Variants in KIAA1217 observed in about 807,000 individuals in gnomAD.
The protein encoded by KIAA1217 is KIAA1217.
Under a neutral mutation model 163.9 loss-of-function variants are expected in KIAA1217, and 88 were observed. The observed-to-expected ratio is 0.54, with a 90% CI of 0.45 to 0.64. The LOEUF (loss-of-function observed/expected upper bound fraction) is 0.64, where lower values mean the gene tolerates loss of function less well. Among genes scored for constraint, KIAA1217 ranks in the 30% least tolerant of loss-of-function variants. The pLI is 0.00. For synonymous variants in KIAA1217, 903 were observed against 923.1 expected (o/e 0.98, Z 0.39); for missense variants, 2,372 against 2,475.0 (o/e 0.96, Z 0.88).
chr10:24,109,410 A>G (rs745652041), intron 2 of KIAA1217, among the ~76,000 whole-genome samples: 2 of 151,702 alleles, frequency 1.3e-5, no homozygotes, highest in Non-Finnish European at 2.9e-5. Flanking sequence ...ACATGTTTGC[A>G]AGATAGATTA....
intron 1 of KIAA1217, among the ~76,000 whole-genome samples, chr10:23,827,767 T>C (rs1837969753): frequency 6.6e-6 from 1 of 152,212 alleles, no homozygotes; most frequent in Non-Finnish European, 1.5e-5. Context: ...ATGATTCCTG[T>C]GTGCACGACA....
At chr10:24,429,248 G>C (rs114301495) in intron 3 of KIAA1217, among the ~76,000 whole-genome samples, 2 of 152,086 alleles carry the variant, frequency 1.3e-5, no homozygotes, top group Non-Finnish European at 2.9e-5. Flanking sequence ...CTGTTCTGGG[G>C]GCTTTTAGGA....
chr10:24,246,979 C>G (rs2073875445), intron 2 of KIAA1217, among the ~76,000 whole-genome samples: 1 of 151,582 alleles, frequency 6.6e-6, no homozygotes, highest in African/African-American at 2.4e-5. Context: ...CACCACTGCA[C>G]TCCAGCCTAG....
intron 2 of KIAA1217, among the ~76,000 whole-genome samples, chr10:24,009,457 A>T (rs1326210375): frequency 6.6e-6 from 1 of 152,204 alleles, no homozygotes; most frequent in East Asian, 1.9e-4. Flanking sequence ...AATATAAAGA[A>T]TAAATGTGTT....
intron 2 of KIAA1217, among the ~76,000 whole-genome samples, chr10:24,243,784 ATGAATATATAAGAATGAATATATATG>A (rs2073417963): frequency 6.6e-6 from 1 of 152,046 alleles, no homozygotes; most frequent in South Asian, 2.1e-4. Flanking sequence ...ATTCATATAT[ATGAATATATAAGAATGAATATATATG>A]AGTTTGTGTA....
At chr10:24,296,928 A>G (rs1262376565) in intron 2 of KIAA1217, among the ~76,000 whole-genome samples, 1 of 152,230 alleles carries the variant, frequency 6.6e-6, no homozygotes, top group Non-Finnish European at 1.5e-5. Context: ...GTACGTGGCA[A>G]CTACAGGAGG....
intron 2 of KIAA1217, among the ~76,000 whole-genome samples, chr10:24,358,516 C>T (rs965293993): frequency 4.6e-5 from 7 of 152,202 alleles, no homozygotes; most frequent in Non-Finnish European, 7.3e-5. Context: ...CATTCTCATA[C>T]ACTCTTGCAT....
At chr10:23,722,032 A>G (rs1837899238) in intron 1 of KIAA1217, among the ~76,000 whole-genome samples, 1 of 152,208 alleles carries the variant, frequency 6.6e-6, no homozygotes. Context: ...AAATTCTGAC[A>G]CATACTACAA....
At chr10:23,774,223 C>T (rs1463757405) in intron 1 of KIAA1217, among the ~76,000 whole-genome samples, 1 of 152,216 alleles carries the variant, frequency 6.6e-6, no homozygotes, top group African/African-American at 2.4e-5. Flanking sequence ...AGATGTGTCT[C>T]ACTTTCCCTG....
chr10:23,887,495 G>A (rs1589017078), intron 1 of KIAA1217, among the ~76,000 whole-genome samples: 2 of 151,874 alleles, frequency 1.3e-5, no homozygotes, highest in East Asian at 3.9e-4. Context: ...TCTGTCCTGA[G>A]GGCTCAATAT....
At chr10:23,815,231 C>G (rs10828555) in intron 1 of KIAA1217, among the ~76,000 whole-genome samples, 49,470 of 151,748 alleles carry the variant, frequency 0.33, 9,770 homozygotes, top group African/African-American at 0.56. Flanking sequence ...CAGATTGTTA[C>G]AGATTTTGTG....
At chr10:24,294,949 T>A (rs2040411496) in intron 2 of KIAA1217, among the ~76,000 whole-genome samples, 2 of 152,228 alleles carry the variant, frequency 1.3e-5, no homozygotes, top group Admixed American at 6.5e-5. Flanking sequence ...ATTCTCCCAC[T>A]CTGTAAACTA....
intron 2 of KIAA1217, among the ~76,000 whole-genome samples, chr10:24,014,093 T>G (rs1847372059): frequency 6.6e-6 from 1 of 152,168 alleles, no homozygotes; most frequent in Non-Finnish European, 1.5e-5. Flanking sequence ...ATGACATCAT[T>G]TTAATGTAAA....
intron 2 of KIAA1217, among the ~76,000 whole-genome samples, chr10:24,360,800 G>A (rs1564536685): frequency 6.6e-6 from 1 of 152,072 alleles, no homozygotes; most frequent in African/African-American, 2.4e-5. Flanking sequence ...ATGTAGATAT[G>A]ATTTTATTGT....
intron 2 of KIAA1217, among the ~76,000 whole-genome samples, chr10:24,317,717 A>G (rs2043577546): frequency 6.6e-6 from 1 of 152,190 alleles, no homozygotes; most frequent in Admixed American, 6.5e-5. Context: ...TACAGGTTAA[A>G]GGTTCTTAGG....
intron 10 of KIAA1217, among the ~76,000 whole-genome samples, chr10:24,518,332 A>G (rs868644425): frequency 1.3e-5 from 1 of 75,394 alleles, no homozygotes; most frequent in African/African-American, 6.2e-5. Flanking sequence ...AGTAGGTATC[A>G]TAAACGTTTG....
chr10:24,290,889 A>G (rs974830555), intron 2 of KIAA1217, among the ~76,000 whole-genome samples: 2 of 152,096 alleles, frequency 1.3e-5, no homozygotes, highest in Non-Finnish European at 2.9e-5. Flanking sequence ...GGCATGATCC[A>G]CCGTGCCTGG....
chr10:24,042,642 G>C (rs1483863502), intron 2 of KIAA1217: 1 of 152,152 alleles, frequency 6.6e-6, no homozygotes, highest in Non-Finnish European at 1.5e-5. Context: ...AAATCCTGGA[G>C]TGTGTTGCTA....
At chr10:24,180,959 A>G (rs1442458834) in intron 2 of KIAA1217, among the ~76,000 whole-genome samples, 1 of 152,188 alleles carries the variant, frequency 6.6e-6, no homozygotes, top group Non-Finnish European at 1.5e-5. Context: ...CTGATTATGG[A>G]TCAGCTAAAT....
Sources: allele counts gnomAD v4.1 joint callset (sites outside exome capture counted in the v4.1 genomes callset), GRCh38; gene constraint gnomAD v4.1.1; transcripts MANE v1.5; gene names NCBI Gene and HGNC (gene_info 2026-07-23, HGNC 2026-07-21).